The following TMEM132D variants were observed in gnomAD, a reference collection of about 807,000 sequenced individuals.
TMEM132D encodes the protein transmembrane protein 132D.
In TMEM132D, 21 loss-of-function variants were observed where a neutral mutation model predicts 62.3. The ratio of observed to expected loss-of-function variants is 0.34; its 90% CI spans 0.24 to 0.49. The LOEUF (loss-of-function observed/expected upper bound fraction) is 0.49. TMEM132D is among the 20% of genes least tolerant of loss of function. The pLI is 0.99. For missense variants in TMEM132D, 1,346 were observed against 1,402.8 expected (o/e 0.96, Z 0.65); for synonymous variants, 621 against 575.6 (o/e 1.08, Z -1.13).
intron 8 of TMEM132D, 60 bp downstream of exon 8, chr12:129,078,474 G>A (rs1424138069): frequency 2.6e-6 from 4 of 1,546,292 alleles, no homozygotes; most frequent in East Asian, 4.5e-5. Context: ...GTGCCTGCCT[G>A]GTGTGTGATC....
At chr12:129,554,010 C>T (rs1164236152) in intron 2 of TMEM132D, among the ~76,000 whole-genome samples, 2 of 152,224 alleles carry the variant, frequency 1.3e-5, no homozygotes, top group African/African-American at 2.4e-5. Context: ...TCAACACTAT[C>T]TAATCGGTCT....
intron 4 of TMEM132D, among the ~76,000 whole-genome samples, chr12:129,237,107 T>C (rs1879807291): frequency 6.6e-6 from 1 of 152,200 alleles, no homozygotes; most frequent in African/African-American, 2.4e-5. Flanking sequence ...CCTTTTAATA[T>C]GCTATTGAAT....
At chr12:129,883,779 C>T (rs571683606) in intron 1 of TMEM132D, among the ~76,000 whole-genome samples, 18 of 152,108 alleles carry the variant, frequency 1.2e-4, no homozygotes, top group Non-Finnish European at 7.4e-5. Flanking sequence ...AATGTAAAGT[C>T]GATTTAAAAG....
At chr12:129,235,669 A>C (rs1485381867) in intron 4 of TMEM132D, among the ~76,000 whole-genome samples, 1 of 152,118 alleles carries the variant, frequency 6.6e-6, no homozygotes, top group Non-Finnish European at 1.5e-5. Flanking sequence ...TACTCAACCT[A>C]TACGTTTCTG....
chr12:129,235,788 TTTC>T (rs1321622173), intron 4 of TMEM132D, among the ~76,000 whole-genome samples: 1 of 152,154 alleles, frequency 6.6e-6, no homozygotes, highest in Non-Finnish European at 1.5e-5. Context: ...CACCTCTGGC[TTTC>T]TTCTTTTTTG....
In TMEM132D at chr12:129,095,957, T is replaced by G. The variant is rs181400423; in HGVS notation, c.1444-11255A>C. Among the ~76,000 whole-genome samples the G allele has an allele frequency of 3.9e-5, 6 of 152,228 alleles. No individual in the cohort carries two copies. In the East Asian group the frequency reaches 1.2e-3, roughly 29 times the overall value. On this transcript the variant is annotated intron_variant, in intron 5 of 8. Transcript: ENST00000422113. Reference sequence around the variant, plus strand: ...CAGTCCCTAGAGCCTGCTTTCCTATTCCAGGAGGAAGTTGCCAGCCTGCAT... The same window carrying G: ...CAGTCCCTAGAGCCTGCTTTCCTATGCCAGGAGGAAGTTGCCAGCCTGCAT...
At chr12:129,596,820 C>G (rs1275646783) in intron 2 of TMEM132D, among the ~76,000 whole-genome samples, 2 of 151,956 alleles carry the variant, frequency 1.3e-5, no homozygotes, top group Non-Finnish European at 2.9e-5. Context: ...CCATCCACCC[C>G]CCGCCAATAA....
At chr12:129,445,946 C>T (rs534813021) in intron 3 of TMEM132D, among the ~76,000 whole-genome samples, 80 of 152,196 alleles carry the variant, frequency 5.3e-4, no homozygotes, top group Admixed American at 2.6e-4. Context: ...AGCGTATCCC[C>T]GGGGAGGTGT....
At chr12:129,321,041 C>T (rs1317320538) in intron 4 of TMEM132D, among the ~76,000 whole-genome samples, 1 of 151,408 alleles carries the variant, frequency 6.6e-6, no homozygotes, top group Non-Finnish European at 1.5e-5. Flanking sequence ...GCTTTATTAT[C>T]TTTTTCTCTA....
At chr12:129,401,525 C>T (rs947482590) in intron 3 of TMEM132D, among the ~76,000 whole-genome samples, 1 of 151,916 alleles carries the variant, frequency 6.6e-6, no homozygotes, top group Non-Finnish European at 1.5e-5. Context: ...GCTGAGATCA[C>T]GCCACTGCAC....
At chr12:129,774,891 C>T (rs951839120) in intron 1 of TMEM132D, among the ~76,000 whole-genome samples, 1 of 152,212 alleles carries the variant, frequency 6.6e-6, no homozygotes, top group Admixed American at 6.5e-5. Context: ...GGATCTGTGA[C>T]TCGGTTTCCC....
chr12:129,683,160 T>G (rs973380023), intron 2 of TMEM132D: 1 of 151,914 alleles, frequency 6.6e-6, no homozygotes, highest in Admixed American at 6.6e-5. Context: ...AATCTCGCAG[T>G]ATCAGTGACT....
At chr12:129,465,008 G>A (rs1593022322) in intron 3 of TMEM132D, among the ~76,000 whole-genome samples, 1 of 149,508 alleles carries the variant, frequency 6.7e-6, no homozygotes, top group Non-Finnish European at 1.5e-5. Context: ...ATTCTGTGAA[G>A]AAGGCATTGG....
intron 2 of TMEM132D, among the ~76,000 whole-genome samples, chr12:129,570,610 G>A (rs754961905): frequency 1.8e-4 from 27 of 152,194 alleles, no homozygotes; most frequent in Non-Finnish European, 3.5e-4. Context: ...GCATCTGATC[G>A]GGGCTGCTGT....
intron 3 of TMEM132D, among the ~76,000 whole-genome samples, chr12:129,514,445 G>A (rs1025469411): frequency 2.0e-5 from 3 of 152,066 alleles, no homozygotes; most frequent in Admixed American, 6.6e-5. Context: ...GACAAATTAT[G>A]GTCTGAGTTT....
chr12:129,797,600 G>A (rs776160548), intron 1 of TMEM132D, among the ~76,000 whole-genome samples: 8 of 152,190 alleles, frequency 5.3e-5, no homozygotes, highest in Non-Finnish European at 1.0e-4. Flanking sequence ...TTACATGAGA[G>A]ACCCTGTGTG....
At chr12:129,454,075 C>A (rs1210077814) in intron 3 of TMEM132D, among the ~76,000 whole-genome samples, 1 of 152,214 alleles carries the variant, frequency 6.6e-6, no homozygotes, top group African/African-American at 2.4e-5. Flanking sequence ...TATTATAAAT[C>A]TCTGTCTAGT....
At chr12:129,578,243 T>C (rs2137124375) in intron 2 of TMEM132D, among the ~76,000 whole-genome samples, 1 of 152,270 alleles carries the variant, frequency 6.6e-6, no homozygotes, top group South Asian at 2.1e-4. Flanking sequence ...GGACTCAGAA[T>C]GAATGCACCC....
intron 1 of TMEM132D, among the ~76,000 whole-genome samples, chr12:129,886,057 T>G (rs564788871): frequency 2.6e-4 from 39 of 152,374 alleles, no homozygotes; most frequent in Non-Finnish European, 4.7e-4. Context: ...TGTAAGATTC[T>G]CATTATGCAA....
Sources: gnomAD v4.1 joint callset for allele counts (sites outside exome capture counted in the v4.1 genomes callset) on GRCh38, gnomAD v4.1.1 for gene constraint, MANE v1.5 for transcripts, NCBI Gene and HGNC (gene_info 2026-07-23, HGNC 2026-07-21) for gene names.